Variants in MOB1B observed in about 807,000 individuals in gnomAD.
The protein encoded by MOB1B is MOB1 Mps One Binder homolog B.
MOB1B carries 19 observed loss-of-function variants against 24.4 expected under a neutral mutation model. The ratio of observed to expected loss-of-function variants is 0.78; its 90% CI spans 0.54 to 1.14. MOB1B has a LOEUF of 1.14. Ranked by LOEUF, MOB1B falls within the 50% of genes most tolerant of loss-of-function variation. The pLI is 0.00. For synonymous variants in MOB1B, 76 were observed against 82.1 expected, an observed-to-expected ratio of 0.93 and a Z score of 0.40; for missense variants, 243 against 259.6, an observed-to-expected ratio of 0.94 and a Z score of 0.44.
At chr4:70,902,308 C>A, upstream of MOB1B, 1 of 596,862 alleles carries the variant, frequency 1.7e-6, no homozygotes, top group East Asian at 3.1e-5. Flanking sequence ...CCTCCCTTTC[C>A]TTCCCCTCCC....
chr4:70,987,789 C>T lies in MOB1B; in HGVS notation c.*5732C>T, dbSNP rs1279152195. 6.6e-6 allele frequency: 1 copy of T among 152,522 alleles called. No individual in the cohort carries two copies. The highest frequency in any genetic ancestry group is 1.9e-4 in the East Asian group (1 of 5,200). 9.4% of individuals were successfully genotyped at this position (152,522 alleles called of 1,614,324 possible). A position where few individuals can be genotyped will look rare whatever the true frequency, so the allele number is the denominator to read the frequency against. ...TGGAAGAATAAGGGCGGCATTTACA[C>T]TGTGCAAGTATTGAGAAGAGTGCAT... On this transcript the variant is annotated 3_prime_UTR_variant, in exon 6 of 6. Coordinates refer to ENST00000309395, the MANE Select transcript of MOB1B (RefSeq NM_173468.4).
At chr4:70,966,050 C>G (rs994129704) in intron 2 of MOB1B, among the ~76,000 whole-genome samples, 3 of 151,722 alleles carry the variant, frequency 2.0e-5, no homozygotes, top group Non-Finnish European at 4.4e-5. Context: ...TTGGCTCTTA[C>G]AAAGAATGGA....
At chr4:70,914,688 C>T (rs1383798025) in intron 1 of MOB1B, among the ~76,000 whole-genome samples, 1 of 152,242 alleles carries the variant, frequency 6.6e-6, no homozygotes, top group Non-Finnish European at 1.5e-5. Context: ...TTCTAGCCTT[C>T]TCCTTTCCTA....
intron 5 of MOB1B, among the ~76,000 whole-genome samples, chr4:70,981,691 T>C (rs1739216210): frequency 6.6e-6 from 1 of 152,180 alleles, no homozygotes; most frequent in African/African-American, 2.4e-5. Context: ...TTATTGTTAC[T>C]TTGTGTCAGG....
chr4:70,965,796 C>CAAAA (rs71211986), intron 2 of MOB1B, among the ~76,000 whole-genome samples: 1,135 of 28,690 alleles, frequency 0.04, 172 homozygotes, highest in African/African-American at 0.089. Context: ...GACTCCGTCT[C>CAAAA]AAAAAAAAAA....
chr4:70,905,050 C>G (rs1037591961), intron 1 of MOB1B, among the ~76,000 whole-genome samples: 1 of 152,116 alleles, frequency 6.6e-6, no homozygotes, highest in Non-Finnish European at 1.5e-5. Flanking sequence ...TTGATATATT[C>G]TCAACATATT....
At chr4:70,903,974 CTTTTTTTT>C (rs754257097) in intron 1 of MOB1B, among the ~76,000 whole-genome samples, 4 of 81,006 alleles carry the variant, frequency 4.9e-5, no homozygotes, top group East Asian at 4.4e-4. Flanking sequence ...TATTTTAGTT[CTTTTTTTT>C]TTTTTTTTTT....
At chr4:70,902,261 G>T (rs925956643), upstream of MOB1B, 1 of 562,530 alleles carries the variant, frequency 1.8e-6, no homozygotes, top group East Asian at 3.2e-5. Flanking sequence ...TGGGGGCGGC[G>T]GGGAGCTGGG....
chr4:70,943,304 G>T (rs1181218666), intron 1 of MOB1B, among the ~76,000 whole-genome samples: 2 of 152,092 alleles, frequency 1.3e-5, no homozygotes, highest in African/African-American at 2.4e-5. Context: ...TTTGCACTTG[G>T]TGCTAGTTTT....
chr4:70,958,971 A>G lies in MOB1B; in HGVS notation c.112A>G (p.Ser38Gly). Residue 38 changes from serine to glycine, a missense_variant, in exon 2 of 6, where the codon AGT becomes GGT. Ser to Gly is a moderately conservative substitution (Grantham distance 56, BLOSUM62 0). Coordinates refer to ENST00000309395, the MANE Select transcript of MOB1B (RefSeq NM_173468.4). ...LLKHAEATLG[S>G]GNLRMAVMLP... is the part of the protein sequence containing the mutation. ...AAAACACGCAGAAGCCACACTTGGC[A>G]GTGGCAACCTTCGGATGGCTGTCAT... 6.2e-7 allele frequency: 1 copy of G among 1,614,170 alleles called. No homozygotes were observed. The highest frequency in any genetic ancestry group is 8.5e-7 in the Non-Finnish European group (1 of 1,180,020).
chr4:70,974,691 A>AT (rs1738903277), intron 3 of MOB1B, among the ~76,000 whole-genome samples: 1 of 152,194 alleles, frequency 6.6e-6, no homozygotes, highest in African/African-American at 2.4e-5. Flanking sequence ...TCTCATCTTC[A>AT]TTAATCTTAT....
At chr4:70,945,361 C>A (rs1409757752) in intron 1 of MOB1B, among the ~76,000 whole-genome samples, 1 of 152,106 alleles carries the variant, frequency 6.6e-6, no homozygotes, top group Non-Finnish European at 1.5e-5. Flanking sequence ...GGGCCCTTTC[C>A]AAGGCCCTGA....
At position 70,958,964 on chromosome 4, in the gene MOB1B, A is replaced by C; in HGVS notation, c.105A>C (p.Thr35=). The C allele has an allele frequency of 6.2e-7, 1 of 1,614,176 alleles. No homozygotes were observed. Among genetic ancestry groups the C allele is most frequent in the Non-Finnish European group, 8.5e-7 (1 of 1,180,008 alleles). Residue 35 remains threonine (T), a synonymous_variant, in exon 2 of 6, where the codon ACA becomes ACC. Coordinates refer to ENST00000309395, the MANE Select transcript of MOB1B (RefSeq NM_173468.4). ...AGCTCTTAAAACACGCAGAAGCCAC[A>C]CTTGGCAGTGGCAACCTTCGGATGG... The part of the protein sequence containing the change: ...QYELLKHAEA[T]LGSGNLRMAV...
chr4:70,975,700 A>G (rs1738954880), intron 4 of MOB1B: 3 of 970,528 alleles, frequency 3.1e-6, no homozygotes, highest in Non-Finnish European at 3.7e-6. Flanking sequence ...ACTTCCCTGA[A>G]GTAAGGGAAA....
At chr4:70,938,620 G>A (rs1737188631) in intron 1 of MOB1B, among the ~76,000 whole-genome samples, 1 of 150,314 alleles carries the variant, frequency 6.7e-6, no homozygotes, top group East Asian at 2.0e-4. Context: ...GGTTCTGGAG[G>A]TATAACTGCT....
chr4:70,964,071 A>G (rs1225624147), intron 2 of MOB1B, among the ~76,000 whole-genome samples: 1 of 152,238 alleles, frequency 6.6e-6, no homozygotes, highest in African/African-American at 2.4e-5. Context: ...ATTCCCAAAT[A>G]GTATATAAAA....
intron 1 of MOB1B, among the ~76,000 whole-genome samples, chr4:70,918,196 A>G (rs1736269659): frequency 6.6e-6 from 1 of 152,206 alleles, no homozygotes; most frequent in African/African-American, 2.4e-5. Context: ...GCCAGGCATT[A>G]GAAAAGACAA....
Position 70,969,933 on chromosome 4 carries a change from G to T in MOB1B, c.184G>T (p.Val62Leu). The T allele has an allele frequency of 6.3e-7, 1 of 1,579,778 alleles. No individual in the cohort carries two copies. The highest frequency in any genetic ancestry group is 1.7e-5 in the Admixed American group (1 of 58,304). Residue 62 changes from valine (V) to leucine (L), a missense_variant and splice_region_variant, in exon 3 of 6, where the codon GTG becomes TTG. Coordinates refer to ENST00000309395, the MANE Select transcript of MOB1B (RefSeq NM_173468.4). Reference sequence around the variant, plus strand: ...TACAACTGATACTTGCTTTACAGCTGTGGATTTCTTCAATCAGATCAACAT... The same window carrying T: ...TACAACTGATACTTGCTTTACAGCTTTGGATTTCTTCAATCAGATCAACAT... ...DLNEWVAVNT[V>L]DFFNQINMLY...
At chr4:70,956,288 A>G (rs1052789349) in intron 1 of MOB1B, among the ~76,000 whole-genome samples, 1 of 152,102 alleles carries the variant, frequency 6.6e-6, no homozygotes. Flanking sequence ...TCTGGTTGAA[A>G]AAAAATTTTA....
Sources: allele counts gnomAD v4.1 joint callset (sites outside exome capture counted in the v4.1 genomes callset), GRCh38; gene constraint gnomAD v4.1.1; transcripts MANE v1.5; gene names NCBI Gene and HGNC (gene_info 2026-07-23, HGNC 2026-07-21).